The following LIMK2 variants were observed in gnomAD, a reference collection of about 807,000 sequenced individuals.
The protein encoded by LIMK2 is LIM domain kinase 2.
A neutral mutation model predicts 75.7 loss-of-function variants in LIMK2; 35 were observed. The ratio of observed to expected loss-of-function variants is 0.46; its 90% CI spans 0.35 to 0.61. The LOEUF (loss-of-function observed/expected upper bound fraction) is 0.61, where lower values mean the gene tolerates loss of function less well. LIMK2 is among the 20% of genes least tolerant of loss of function. LIMK2 has a pLI of 0.00. For missense variants in LIMK2, 623 were observed against 831.0 expected (o/e 0.75, Z 3.08); for synonymous variants, 301 against 319.2 (o/e 0.94, Z 0.61).
rs761292464 is a variant in LIMK2, at chr22:31,279,563, A to G, written c.*1122A>G. On this transcript the variant is annotated 3_prime_UTR_variant, in exon 16 of 16. Coordinates refer to ENST00000331728, the MANE Select transcript of LIMK2 (RefSeq NM_005569.4). Reference sequence around the variant, plus strand: ...TCTACCTCCCATGTTTGCTCTCCCAACTCATTAGCTCCTGGGCAGCATCCT... The same window carrying G: ...TCTACCTCCCATGTTTGCTCTCCCAGCTCATTAGCTCCTGGGCAGCATCCT... 1 of 151,986 alleles carries G rather than the reference A, an allele frequency of 6.6e-6. No individual in the cohort carries two copies. The highest frequency in any genetic ancestry group is 6.6e-5 in the Admixed American group (1 of 15,248). 9.4% of individuals were successfully genotyped at this position (151,986 alleles called of 1,614,324 possible).
Position 31,234,337 on chromosome 22 carries a change from A to C in LIMK2, c.116+8518A>C, listed in dbSNP as rs536715604. ...GGAAGGAGTGATCTTAAAAAAAAAAAAAACAAAAAAAAACTTGACTGTGTC... is the reference window on the plus strand; with the variant it reads ...GGAAGGAGTGATCTTAAAAAAAAAACAAACAAAAAAAAACTTGACTGTGTC... On this transcript the variant is annotated intron_variant, in intron 2 of 15. Transcript: ENST00000331728. 6.0e-5 allele frequency among the ~76,000 whole-genome samples: 9 copies of C among 151,198 alleles called. No individual in the cohort carries two copies. In the South Asian group the frequency reaches 1.7e-3, roughly 28 times the overall value.
intron 2 of LIMK2, among the ~76,000 whole-genome samples, chr22:31,244,905 G>A (rs1027167824): frequency 1.3e-5 from 2 of 152,158 alleles, no homozygotes; most frequent in Non-Finnish European, 2.9e-5. Context: ...GTCTAGTCTG[G>A]GTTCAAATCC....
chr22:31,276,185 A>G lies in LIMK2; in HGVS notation c.1772+877A>G, dbSNP rs551207261. ...CAGGGGCGGAGGTTGCAGTGAGCCG[A>G]TATCACGCCATTGCACTCCAGCCTC... On this transcript the variant is annotated intron_variant, in intron 15 of 15. Coordinates refer to ENST00000331728, the MANE Select transcript of LIMK2 (RefSeq NM_005569.4). Among the ~76,000 whole-genome samples, 35 of 152,292 alleles carry G rather than the reference A, an allele frequency of 2.3e-4. No individual in the cohort carries two copies. In the East Asian group the frequency reaches 5.2e-3, roughly 23 times the overall value.
At chr22:31,240,395 C>G (rs2048614305) in intron 2 of LIMK2, among the ~76,000 whole-genome samples, 1 of 149,752 alleles carries the variant, frequency 6.7e-6, no homozygotes, top group South Asian at 2.1e-4. Context: ...AGAGATAGCA[C>G]TTTCATGGAA....
intron 15 of LIMK2, among the ~76,000 whole-genome samples, chr22:31,278,042 G>A (rs1006628028): frequency 2.0e-5 from 3 of 152,098 alleles, no homozygotes; most frequent in Admixed American, 6.6e-5. Context: ...CTAAGATATG[G>A]GAGGGAAGTT....
intron 15 of LIMK2, chr22:31,276,715 G>A (rs1160081277): frequency 2.8e-6 from 4 of 1,411,330 alleles, no homozygotes; most frequent in Non-Finnish European, 3.7e-6. Flanking sequence ...ACCGCGGGGG[G>A]CGCGGCGTTG....
At chr22:31,246,664 G>A (rs1160574037) in intron 2 of LIMK2, among the ~76,000 whole-genome samples, 1 of 151,248 alleles carries the variant, frequency 6.6e-6, no homozygotes, top group Non-Finnish European at 1.5e-5. Flanking sequence ...GAGGTGAGAG[G>A]ATCACTTGAG....
chr22:31,234,594 G>A (rs1257664652), intron 2 of LIMK2, among the ~76,000 whole-genome samples: 1 of 151,396 alleles, frequency 6.6e-6, no homozygotes, highest in East Asian at 2.0e-4. Flanking sequence ...GGTGGCGTGT[G>A]CCTGTAGTCC....
intron 8 of LIMK2, 84 bp downstream of exon 8, chr22:31,266,216 C>A: frequency 7.4e-7 from 1 of 1,350,590 alleles, no homozygotes; most frequent in Admixed American, 2.0e-5. Context: ...CACTTGGCCC[C>A]ACCCCACACC....
intron 2 of LIMK2, among the ~76,000 whole-genome samples, chr22:31,254,881 C>T (rs1474831382): frequency 1.3e-5 from 2 of 151,968 alleles, no homozygotes; most frequent in Admixed American, 1.3e-4. Context: ...ATCACTTGAA[C>T]TCGGGAAGCA....
At chr22:31,242,807 C>T (rs1339796624) in intron 2 of LIMK2, among the ~76,000 whole-genome samples, 1 of 152,226 alleles carries the variant, frequency 6.6e-6, no homozygotes, top group Non-Finnish European at 1.5e-5. Flanking sequence ...AGATACTAAA[C>T]TCTCACTCTG....
rs1359609537 is a variant in LIMK2 at position 31,258,384 on chromosome 22, G to A, written c.210G>A (p.Glu70=). 2.1e-5 allele frequency: 34 copies of A among 1,614,046 alleles called. No homozygotes were observed. Among genetic ancestry groups the A allele is most frequent in the Non-Finnish European group, 2.9e-5 (34 of 1,180,012 alleles). Reference sequence around the variant, plus strand: ...AGGACTACTGGGGGAAGTTTGGGGAGTTCTGTCATGGGTGCTCCCTGCTGA... The same window carrying A: ...AGGACTACTGGGGGAAGTTTGGGGAATTCTGTCATGGGTGCTCCCTGCTGA... ...CPKDYWGKFG[E]FCHGCSLLMT... Residue 70 remains glutamate, a synonymous_variant, in exon 3 of 16, where the codon GAG becomes GAA. Transcript: ENST00000331728.
intron 14 of LIMK2, 57 bp downstream of exon 14, chr22:31,273,564 C>G: frequency 2.9e-6 from 4 of 1,402,770 alleles, no homozygotes; most frequent in Middle Eastern, 1.8e-4. Flanking sequence ...CTCTGCCTTC[C>G]CTCGGAACTG....
At position 31,258,443 on chromosome 22, in the gene LIMK2, A is replaced by T; in HGVS notation, c.252+17A>T. 1 of 1,613,722 alleles carries T rather than the reference A, an allele frequency of 6.2e-7. No individual in the cohort carries two copies. Among genetic ancestry groups the T allele is most frequent in the Non-Finnish European group, 8.5e-7 (1 of 1,179,722 alleles). ...CCTTTTATGGTGAGTGAATCCCTTC[A>T]TATCTGCCCCTCTTGGTCTTCAGAG... is the stretch of plus-strand genomic sequence containing the variant. On this transcript the variant is annotated intron_variant, in intron 3 of 15. Transcript: ENST00000331728.
At chr22:31,256,462 T>G (rs2048783032) in intron 2 of LIMK2, among the ~76,000 whole-genome samples, 1 of 151,508 alleles carries the variant, frequency 6.6e-6, no homozygotes, top group Non-Finnish European at 1.5e-5. Flanking sequence ...TGCCTCAGCC[T>G]CCCGAGTAGC....
chr22:31,226,940 G>T (rs2048485814), intron 2 of LIMK2, among the ~76,000 whole-genome samples: 1 of 152,142 alleles, frequency 6.6e-6, no homozygotes, highest in Admixed American at 6.6e-5. Flanking sequence ...AGGCAGCTCA[G>T]TTTCTTAAAA....
At chr22:31,255,587 C>A (rs2048770123) in intron 2 of LIMK2, among the ~76,000 whole-genome samples, 1 of 152,312 alleles carries the variant, frequency 6.6e-6, no homozygotes, top group East Asian at 1.9e-4. Context: ...CTCTTCTCTA[C>A]CTCCCGCAGT....
chr22:31,268,955 C>T (rs527908641), intron 11 of LIMK2, among the ~76,000 whole-genome samples: 2 of 152,180 alleles, frequency 1.3e-5, no homozygotes, highest in African/African-American at 4.8e-5. Context: ...ACATCAAGGT[C>T]GCTGTGTTTT....
chr22:31,219,583 T>G (rs1057081167), intron 1 of LIMK2, among the ~76,000 whole-genome samples: 4 of 152,134 alleles, frequency 2.6e-5, no homozygotes, highest in African/African-American at 9.7e-5. Context: ...TTTTATTTTA[T>G]TTTTTTGAGA....
Sources: allele counts gnomAD v4.1 joint callset (sites outside exome capture counted in the v4.1 genomes callset), GRCh38; gene constraint gnomAD v4.1.1; transcripts MANE v1.5; gene names NCBI Gene and HGNC (gene_info 2026-07-23, HGNC 2026-07-21).